STYXL1: variants seen among roughly 807,000 people sequenced by gnomAD.
STYXL1 encodes serine/threonine/tyrosine-interacting-like protein 1.
Under a neutral mutation model 36.4 loss-of-function variants are expected in STYXL1, and 32 were observed. The ratio of observed to expected loss-of-function variants is 0.88; its 90% CI spans 0.66 to 1.18. STYXL1 has a LOEUF of 1.18. Ranked by LOEUF, STYXL1 falls within the 50% of genes most tolerant of loss-of-function variation. STYXL1 has a pLI of 0.00. For missense variants in STYXL1, 354 were observed against 394.1 expected, an observed-to-expected ratio of 0.90 and a Z score of 0.86; for synonymous variants, 133 against 144.1, an observed-to-expected ratio of 0.92 and a Z score of 0.55.
chr7:76,031,224 G>C (rs560069002), intron 1 of STYXL1, among the ~76,000 whole-genome samples: 1 of 147,834 alleles, frequency 6.8e-6, no homozygotes, highest in Admixed American at 6.8e-5. Context: ...CCAGCTACTC[G>C]GGAGACTGAG....
chr7:76,017,536 A>G (rs148439315), intron 4 of STYXL1, among the ~76,000 whole-genome samples: 30 of 152,128 alleles, frequency 2.0e-4, no homozygotes, highest in African/African-American at 7.0e-4. Flanking sequence ...AAGATGCGGA[A>G]CAACACACCC....
chr7:76,007,190 G>A (rs1172196565), intron 5 of STYXL1, among the ~76,000 whole-genome samples: 1 of 152,186 alleles, frequency 6.6e-6, no homozygotes, highest in Non-Finnish European at 1.5e-5. Context: ...ACTTTGGGAG[G>A]CCGAGGCAGG....
intron 5 of STYXL1, among the ~76,000 whole-genome samples, chr7:76,008,199 C>CAAAAAA (rs60080805): frequency 5.9e-5 from 2 of 33,746 alleles, no homozygotes; most frequent in African/African-American, 1.2e-4. Context: ...AACTCCATCT[C>CAAAAAA]AAAAAAAAAA....
intron 1 of STYXL1, among the ~76,000 whole-genome samples, chr7:76,043,700 A>C (rs1796700204): frequency 6.6e-6 from 1 of 151,988 alleles, no homozygotes; most frequent in Admixed American, 6.6e-5. Context: ...CCCCATCTCT[A>C]CTCTCTTATA....
At chr7:76,039,723 C>A (rs1479777266) in intron 1 of STYXL1, among the ~76,000 whole-genome samples, 1 of 152,178 alleles carries the variant, frequency 6.6e-6, no homozygotes, top group Non-Finnish European at 1.5e-5. Context: ...TCTCACCTCA[C>A]TGCAACCTTC....
intron 4 of STYXL1, 39 bp downstream of exon 4, chr7:76,021,812 C>T (rs553159526): frequency 5.4e-6 from 8 of 1,486,684 alleles, no homozygotes; most frequent in South Asian, 3.4e-5. Context: ...GTTCAATAGC[C>T]GTTAACTATT....
At chr7:76,017,030 A>AT (rs1297796357) in intron 4 of STYXL1, among the ~76,000 whole-genome samples, 9 of 151,416 alleles carry the variant, frequency 5.9e-5, no homozygotes, top group South Asian at 2.1e-4. Context: ...TATTTATTTA[A>AT]TTTTTTTTTA....
intron 3 of STYXL1, among the ~76,000 whole-genome samples, chr7:76,023,968 G>A (rs1011423060): frequency 2.0e-5 from 3 of 152,120 alleles, no homozygotes; most frequent in Non-Finnish European, 4.4e-5. Context: ...AGCCGAGATC[G>A]CGTCACTGCA....
intron 5 of STYXL1, among the ~76,000 whole-genome samples, chr7:76,007,065 A>G (rs1013288652): frequency 2.0e-5 from 3 of 152,230 alleles, no homozygotes; most frequent in Non-Finnish European, 2.9e-5. Flanking sequence ...ACGATACAGT[A>G]TAACAATTAT....
chr7:76,039,936 G>A (rs974029799), intron 1 of STYXL1, among the ~76,000 whole-genome samples: 15 of 152,110 alleles, frequency 9.9e-5, no homozygotes, highest in Non-Finnish European at 2.1e-4. Context: ...CATTAGCCAC[G>A]GCGCCTGGCC....
In STYXL1 at chr7:76,037,072, C is replaced by T. The variant is rs533058319; in HGVS notation, c.-4-6545G>A. Among the ~76,000 whole-genome samples, 29 of 150,256 alleles carry T rather than the reference C, an allele frequency of 1.9e-4. 1 individual carries two copies. The highest frequency in any genetic ancestry group is 3.5e-3 in the Middle Eastern group (1 of 282). ...GTGCTAGGATTACAGGCGTGAGCCACCGCACCCGGCCAGCTCTTCTTAAGA... is the reference window on the plus strand; with the variant it reads ...GTGCTAGGATTACAGGCGTGAGCCATCGCACCCGGCCAGCTCTTCTTAAGA... On this transcript the variant is annotated intron_variant, in intron 1 of 8. Coordinates refer to ENST00000359697, the MANE Select transcript of STYXL1 (RefSeq NM_001317785.2).
intron 1 of STYXL1, among the ~76,000 whole-genome samples, chr7:76,034,744 C>A (rs781978332): frequency 4.6e-5 from 7 of 152,164 alleles, no homozygotes; most frequent in Non-Finnish European, 8.8e-5. Context: ...GCAAACTGTA[C>A]CTCTTCCCAT....
chr7:76,005,396 A>C lies in STYXL1; in HGVS notation c.462T>G (p.Asp154Glu), dbSNP rs782429298. Residue 154 changes from aspartate to glutamate, a missense_variant, in exon 6 of 9, where the codon GAT becomes GAG. Transcript: ENST00000359697. ...QKIIWMPQELDAFQPYPIEIV... is the reference protein window; with the variant it reads ...QKIIWMPQELEAFQPYPIEIV... ...TTTCAATGGGGTATGGCTGAAATGC[A>C]TCCAGTTCCTGAAGTGTGGAGGGAG... is the stretch of plus-strand genomic sequence containing the variant. 6.2e-7 allele frequency: 1 copy of C among 1,612,026 alleles called. No homozygotes were observed. Among genetic ancestry groups the C allele is most frequent in the Non-Finnish European group, 8.5e-7 (1 of 1,178,566 alleles).
intron 5 of STYXL1, among the ~76,000 whole-genome samples, chr7:76,012,384 A>G (rs1183540859): frequency 6.6e-6 from 1 of 151,434 alleles, no homozygotes; most frequent in Non-Finnish European, 1.5e-5. Flanking sequence ...CAAGCAATCC[A>G]CCCATCTCTT....
At chr7:76,043,068 T>C (rs782326815) in intron 1 of STYXL1, among the ~76,000 whole-genome samples, 3 of 152,190 alleles carry the variant, frequency 2.0e-5, no homozygotes, top group Non-Finnish European at 2.9e-5. Context: ...ACCTAAGTGT[T>C]TCCCGTTGAT....
chr7:76,040,984 T>C (rs1554582058), intron 1 of STYXL1, among the ~76,000 whole-genome samples: 1 of 151,996 alleles, frequency 6.6e-6, no homozygotes, highest in Non-Finnish European at 1.5e-5. Flanking sequence ...CAAGGCAGGA[T>C]GATAACCACC....
chr7:76,000,641 G>A, intron 8 of STYXL1: 1 of 590,116 alleles, frequency 1.7e-6, no homozygotes, highest in Non-Finnish European at 3.2e-6. Context: ...TGACAGCAGT[G>A]GGGGCTGCAG....
At chr7:76,027,994 T>C (rs1022905654) in intron 3 of STYXL1, among the ~76,000 whole-genome samples, 2 of 152,028 alleles carry the variant, frequency 1.3e-5, no homozygotes, top group Non-Finnish European at 2.9e-5. Flanking sequence ...TAGTCTCAGC[T>C]ACTCTGGAGG....
chr7:76,024,202 C>G (rs1316649116), intron 3 of STYXL1, among the ~76,000 whole-genome samples: 1 of 152,106 alleles, frequency 6.6e-6, no homozygotes, highest in Non-Finnish European at 1.5e-5. Flanking sequence ...GAGAGCACCA[C>G]TAGAAACCCA....
Sources: allele counts gnomAD v4.1 joint callset (sites outside exome capture counted in the v4.1 genomes callset), GRCh38; gene constraint gnomAD v4.1.1; transcripts MANE v1.5; gene names NCBI Gene and HGNC (gene_info 2026-07-23, HGNC 2026-07-21).